The following RALY variants were observed in gnomAD, a reference collection of about 807,000 sequenced individuals.
RALY encodes the protein RNA-binding protein Raly.
Under a neutral mutation model 30.7 loss-of-function variants are expected in RALY, and 15 were observed. The ratio of observed to expected loss-of-function variants is 0.49; its 90% CI spans 0.33 to 0.75. The LOEUF (loss-of-function observed/expected upper bound fraction) is 0.75. Among genes scored for constraint, RALY ranks in the 30% least tolerant of loss-of-function variants. The pLI, the probability that RALY is intolerant of heterozygous loss-of-function variation, is 0.02. For missense variants in RALY, 339 were observed against 414.3 expected (o/e 0.82, Z 1.58); for synonymous variants, 177 against 170.8 (o/e 1.04, Z -0.28).
At chr20:34,028,102 A>G (rs139342487) in intron 1 of RALY, among the ~76,000 whole-genome samples, 72 of 152,276 alleles carry the variant, frequency 4.7e-4, no homozygotes, top group African/African-American at 1.6e-3. Flanking sequence ...CCTGGCCAAC[A>G]TGGTGAAACT....
rs558987397 is a variant in RALY at position 33,994,687 on chromosome 20, C to T, written c.-93+556C>T. On this transcript the variant is annotated intron_variant, in intron 1 of 9. Transcript: ENST00000246194. ...CAACAACGGGCCCTCGAACTGGGGC[C>T]GTATCCGCGTTTCACTCAGCCTCCT... Among the ~76,000 whole-genome samples the T allele has an allele frequency of 8.6e-5, 13 of 151,960 alleles. No homozygotes were observed. The East Asian group carries it at 2.5e-3, about 30-fold the overall frequency.
At chr20:34,074,630 T>G (rs1403768351) in intron 5 of RALY, among the ~76,000 whole-genome samples, 2 of 152,170 alleles carry the variant, frequency 1.3e-5, no homozygotes, top group African/African-American at 4.8e-5. Flanking sequence ...TCAGAAGATT[T>G]AGATGCTAAT....
chr20:34,038,961 A>G (rs1196109093), intron 2 of RALY, among the ~76,000 whole-genome samples: 1 of 152,142 alleles, frequency 6.6e-6, no homozygotes, highest in African/African-American at 2.4e-5. Flanking sequence ...ACCTTGTTCT[A>G]CTGACTCAAA....
At chr20:34,023,712 G>A (rs1192753779) in intron 1 of RALY, among the ~76,000 whole-genome samples, 1 of 152,082 alleles carries the variant, frequency 6.6e-6, no homozygotes, top group Non-Finnish European at 1.5e-5. Context: ...CTGATCATAT[G>A]CTGGAGTATC....
intron 1 of RALY, among the ~76,000 whole-genome samples, chr20:34,014,060 T>C (rs902082354): frequency 1.3e-5 from 2 of 152,228 alleles, no homozygotes; most frequent in African/African-American, 4.8e-5. Context: ...CTTCTGTTAA[T>C]ATTAAGTGTT....
At chr20:34,022,074 TTTTC>T (rs1206927615) in intron 1 of RALY, among the ~76,000 whole-genome samples, 104 of 149,824 alleles carry the variant, frequency 6.9e-4, no homozygotes, top group East Asian at 1.7e-3. Flanking sequence ...TTCTTTCCTT[TTTTC>T]TTTCTTTCTT....
At position 34,028,825 on chromosome 20, in the gene RALY, A is replaced by AT. The variant is rs2032152087; in HGVS notation, c.-92-2696dup. Among the ~76,000 whole-genome samples, 4 of 152,048 alleles carry AT rather than the reference A, an allele frequency of 2.6e-5. No homozygotes were observed. The South Asian group carries it at 8.3e-4, about 32-fold the overall frequency. ...TTAAGAAGGGTTTGAATGTGTGTAA[A>AT]TGAAGAAGGGCAATTCCAGTGAGAC... is the stretch of plus-strand genomic sequence containing the variant. On this transcript the variant is annotated intron_variant, in intron 1 of 9. Transcript: ENST00000246194.
chr20:33,994,277 A>T (rs893680348), intron 1 of RALY, 146 bp downstream of exon 1: 2 of 151,538 alleles, frequency 1.3e-5, no homozygotes, highest in African/African-American at 4.9e-5. Flanking sequence ...AGCCCGAGTA[A>T]CTCTAGGCCC....
rs1177289887 is a variant in RALY, at chr20:34,076,807, C to G, written c.650C>G (p.Ala217Gly). Residue 217 changes from alanine to glycine, a missense_variant, in exon 7 of 10, where the codon GCC (alanine) becomes GGC (glycine). Ala to Gly is a moderately conservative substitution (Grantham distance 60). Transcript: ENST00000246194. ...GAGCAGATCGCTGCGGAGCAAAAGG[C>G]CAATCCAGGTCAGCCTCTGAGGATT... ...RLEQIAAEQKANPDGKKKGDG... is the reference protein window; with the variant it reads ...RLEQIAAEQKGNPDGKKKGDG... 6.2e-7 allele frequency: 1 copy of G among 1,613,732 alleles called. No individual in the cohort carries two copies. Among genetic ancestry groups the G allele is most frequent in the African/African-American group, 1.3e-5 (1 of 74,918 alleles).
intron 1 of RALY, among the ~76,000 whole-genome samples, chr20:34,030,835 A>G (rs750587552): frequency 2.6e-5 from 4 of 151,982 alleles, no homozygotes; most frequent in East Asian, 3.9e-4. Context: ...TGTACTTGCT[A>G]TTCTCTCCCT....
chr20:33,997,407 C>T (rs2030691353), intron 1 of RALY, among the ~76,000 whole-genome samples: 2 of 152,294 alleles, frequency 1.3e-5, no homozygotes, highest in South Asian at 2.1e-4. Flanking sequence ...TGAGCCACCA[C>T]GCCAGGCTAT....
intron 5 of RALY, among the ~76,000 whole-genome samples, chr20:34,074,105 G>C (rs1055502732): frequency 2.6e-5 from 4 of 152,198 alleles, no homozygotes; most frequent in Middle Eastern, 3.4e-3. Context: ...TTTCCTTCTT[G>C]TCCTTGGGTG....
chr20:34,006,457 A>C (rs190097783), intron 1 of RALY, among the ~76,000 whole-genome samples: 24 of 152,336 alleles, frequency 1.6e-4, no homozygotes, highest in Admixed American at 1.4e-3. Flanking sequence ...TGTAAATGTC[A>C]CAACCTTATT....
At chr20:34,012,937 T>A (rs1381692842) in intron 1 of RALY, among the ~76,000 whole-genome samples, 1 of 152,236 alleles carries the variant, frequency 6.6e-6, no homozygotes, top group Non-Finnish European at 1.5e-5. Context: ...ACTTACTGAT[T>A]TTTTGACTTT....
At chr20:34,033,080 A>G (rs1024219715) in intron 2 of RALY, 1 of 152,278 alleles carries the variant, frequency 6.6e-6, no homozygotes, top group African/African-American at 2.4e-5. Flanking sequence ...CACTTGGGCC[A>G]GTACAGGGTA....
intron 1 of RALY, among the ~76,000 whole-genome samples, chr20:34,003,551 G>A (rs960486604): frequency 5.3e-5 from 8 of 152,168 alleles, no homozygotes; most frequent in Non-Finnish European, 1.0e-4. Flanking sequence ...CTGTTCAGCG[G>A]GAACAGTGAG....
chr20:34,028,977 G>C (rs973595910), intron 1 of RALY, among the ~76,000 whole-genome samples: 3 of 152,026 alleles, frequency 2.0e-5, no homozygotes, highest in African/African-American at 7.2e-5. Context: ...TTTTGAGCAG[G>C]GAAGTGTCAT....
chr20:34,077,394 G>A, intron 8 of RALY, 149 bp downstream of exon 8: 1 of 1,507,418 alleles, frequency 6.6e-7, no homozygotes, highest in Non-Finnish European at 8.9e-7. Context: ...GGGGAAAGAG[G>A]GAAGAATGAG....
At chr20:34,054,155 A>C (rs1568683257) in intron 2 of RALY, among the ~76,000 whole-genome samples, 1 of 152,240 alleles carries the variant, frequency 6.6e-6, no homozygotes, top group Non-Finnish European at 1.5e-5. Context: ...TTCACTGTTA[A>C]GGAGTTGTTG....
Sources: allele counts gnomAD v4.1 joint callset (sites outside exome capture counted in the v4.1 genomes callset), GRCh38; gene constraint gnomAD v4.1.1; transcripts MANE v1.5; gene names NCBI Gene and HGNC (gene_info 2026-07-23, HGNC 2026-07-21).